The following PWWP2A variants were observed in gnomAD, a reference collection of about 807,000 sequenced individuals.
The protein encoded by PWWP2A is PWWP domain containing 2A.
PWWP2A carries 18 observed loss-of-function variants against 48.5 expected under a neutral mutation model. That is an observed-to-expected ratio of 0.37 (90% CI 0.26 to 0.55). The LOEUF (loss-of-function observed/expected upper bound fraction) is 0.55. PWWP2A is among the 20% of genes least tolerant of loss of function. PWWP2A has a pLI of 0.81. For synonymous variants in PWWP2A, 396 were observed against 387.7 expected, an observed-to-expected ratio of 1.02 and a Z score of -0.25; for missense variants, 867 against 976.4, an observed-to-expected ratio of 0.89 and a Z score of 1.49.
At chr5:160,106,646 A>C (rs1756924200) in intron 1 of PWWP2A, among the ~76,000 whole-genome samples, 1 of 152,112 alleles carries the variant, frequency 6.6e-6, no homozygotes, top group Non-Finnish European at 1.5e-5. Flanking sequence ...AAATTGGTTC[A>C]AGGGTAAAGA....
the PWWP2A span, among the ~76,000 whole-genome samples, chr5:160,052,050 TTG>T: frequency 6.6e-6 from 1 of 152,190 alleles, no homozygotes; most frequent in Admixed American, 6.5e-5. Context: ...GCCAAGTTGA[TTG>T]AGAGGAGGCC....
At chr5:160,061,161 C>T (rs1408698172), downstream of PWWP2A, among the ~76,000 whole-genome samples, 2 of 152,242 alleles carry the variant, frequency 1.3e-5, no homozygotes, top group South Asian at 2.1e-4. Flanking sequence ...AGCTCGCCTG[C>T]CTATCTCTGT....
At chr5:160,086,781 C>A (rs947196724), downstream of PWWP2A, among the ~76,000 whole-genome samples, 10 of 152,080 alleles carry the variant, frequency 6.6e-5, no homozygotes, top group African/African-American at 2.4e-4. Flanking sequence ...CATGTTCAGC[C>A]TCATAAATAA....
intron 1 of PWWP2A, among the ~76,000 whole-genome samples, chr5:160,096,705 C>T (rs2113558696): frequency 6.6e-6 from 1 of 152,280 alleles, no homozygotes; most frequent in East Asian, 1.9e-4. Flanking sequence ...TCATGGATTG[C>T]TGCAGCATCA....
At position 160,078,259 on chromosome 5, in the gene PWWP2A, A is replaced by G. The variant is rs1033917558; in HGVS notation, c.1670-91T>C. ...TGTCCTTGTTGTTTAAGCCCTACAT[A>G]GATTGTGGGATCACACCTGATTTTT... On this transcript the variant is annotated intron_variant, in intron 3 of 3. Transcript: ENST00000456329. This position sits in a 1 kb window ranked among gnomAD's most constrained non-coding sequence, Gnocchi z 4.2. The G allele has an allele frequency of 2.5e-5, 27 of 1,060,838 alleles. No homozygotes were observed. The highest frequency in any genetic ancestry group is 3.6e-5 in the Non-Finnish European group (25 of 703,758). 65.7% of individuals were successfully genotyped at this position (1,060,838 alleles called of 1,614,324 possible).
At chr5:160,058,242 C>T (rs1757596198), downstream of PWWP2A, among the ~76,000 whole-genome samples, 1 of 152,116 alleles carries the variant, frequency 6.6e-6, no homozygotes, top group Non-Finnish European at 1.5e-5. Flanking sequence ...AAGCGCCACT[C>T]GAATTCTAGT....
intron 1 of PWWP2A, among the ~76,000 whole-genome samples, chr5:160,118,474 T>C (rs920136671): frequency 7.3e-6 from 1 of 137,292 alleles, no homozygotes; most frequent in Admixed American, 7.4e-5. Context: ...CATCTGCATC[T>C]TGCATTAACC....
At chr5:160,063,019 A>G (rs1451042726) in intron 5 of PWWP2A, among the ~76,000 whole-genome samples, 1 of 152,198 alleles carries the variant, frequency 6.6e-6, no homozygotes, top group Admixed American at 6.5e-5. Flanking sequence ...TGACACAAGC[A>G]GCAGCACAGA....
intron 2 of PWWP2A, among the ~76,000 whole-genome samples, chr5:160,067,344 G>A (rs1753638741): frequency 6.6e-6 from 1 of 152,026 alleles, no homozygotes; most frequent in Admixed American, 6.6e-5. Context: ...CCTTGAAATG[G>A]TCTCCAGAAC....
chr5:160,051,634 G>A, the PWWP2A span, among the ~76,000 whole-genome samples: 7 of 152,174 alleles, frequency 4.6e-5, no homozygotes, highest in African/African-American at 7.2e-5. Context: ...GAGAACACAC[G>A]AGAGGGCAGG....
Position 160,093,763 on chromosome 5 carries a change from C to A in PWWP2A, c.887G>T (p.Arg296Leu). Residue 296 changes from arginine (R) to leucine (L), a missense_variant, in exon 2 of 2, where the codon CGA becomes CTA. Arg to Leu is a moderately radical substitution (Grantham distance 102). Around this residue, in one of 4 missense-constraint regions of PWWP2A, gnomAD observed 382 missense variants for 407.2 expected, o/e 0.94. Transcript: ENST00000307063. The surrounding 1 kb of genome is among the most constrained non-coding windows in gnomAD (Gnocchi z 5.8). ...IPQPPPRKIK[R>L]PKRKMYREEP... Reference sequence around the variant, plus strand: ...TTCCCTGTACATTTTTCGTTTGGGTCGCTTAATTTTCCGAGGAGGTGGCTG... The same window carrying A: ...TTCCCTGTACATTTTTCGTTTGGGTAGCTTAATTTTCCGAGGAGGTGGCTG... 3.1e-6 allele frequency: 5 copies of A among 1,613,862 alleles called. No individual in the cohort carries two copies. The highest frequency in any genetic ancestry group is 4.2e-6 in the Non-Finnish European group (5 of 1,179,864).
At chr5:160,091,293 C>T (rs1297613195), downstream of PWWP2A, 1 of 977,828 alleles carries the variant, frequency 1.0e-6, no homozygotes, top group African/African-American at 1.8e-5. Context: ...TAATTTTCTA[C>T]CATCTTGAAA....
chr5:160,119,283 C>G lies in PWWP2A; in HGVS notation c.106G>C (p.Gly36Arg). The G allele has an allele frequency of 1.4e-6, 2 of 1,385,338 alleles. No individual in the cohort carries two copies. The highest frequency in any genetic ancestry group is 9.3e-7 in the Non-Finnish European group (1 of 1,077,852). 85.8% of individuals were successfully genotyped at this position (1,385,338 alleles called of 1,614,324 possible). A position where few individuals can be genotyped will look rare whatever the true frequency, so the allele number is the denominator to read the frequency against. The change falls in exon 1 of 2, where the codon GGC (glycine) becomes CGC (arginine). Residue 36 changes from glycine (G) to arginine (R), a missense_variant. Physicochemically the swap from Gly to Arg is moderately radical, Grantham distance 125. This residue lies in a region of PWWP2A where 385 missense variants were observed against 396.9 expected (regional missense o/e 0.97). Coordinates refer to ENST00000307063, the MANE Select transcript of PWWP2A (RefSeq NM_001130864.2). ...GCCGTGACCGGGAGGGGGTCAGTGC[C>G]GGCCTCACTGCCGGGGATGGGCTCC... Reference protein sequence around the residue: ...EMEPIPGSEAGTDPLPVTATE... With the variant: ...EMEPIPGSEARTDPLPVTATE...
At chr5:160,111,088 G>A (rs1757517340) in intron 1 of PWWP2A, among the ~76,000 whole-genome samples, 1 of 152,090 alleles carries the variant, frequency 6.6e-6, no homozygotes, top group Non-Finnish European at 1.5e-5. Context: ...GGGAGGGCAA[G>A]GAGGGAGGAT....
At chr5:160,089,336 G>A (rs544330529), downstream of PWWP2A, among the ~76,000 whole-genome samples, 3 of 152,254 alleles carry the variant, frequency 2.0e-5, no homozygotes, top group Non-Finnish European at 4.4e-5. Context: ...GCGAATAGCT[G>A]GGACTATAGG....
chr5:160,057,686 A>G (rs1332096142), downstream of PWWP2A, among the ~76,000 whole-genome samples: 4 of 152,258 alleles, frequency 2.6e-5, no homozygotes, highest in East Asian at 1.9e-4. The surrounding 1 kb of genome is among the most constrained non-coding windows in gnomAD (Gnocchi z 4.4). Context: ...TTTACCCACA[A>G]TAGTTCTTCC....
Position 160,062,563 on chromosome 5 carries a change from A to C in PWWP2A, c.*369-470T>G, listed in dbSNP as rs1753453194. Among the ~76,000 whole-genome samples, 5 of 152,300 alleles carry C rather than the reference A, an allele frequency of 3.3e-5. No individual in the cohort carries two copies. In the South Asian group the frequency reaches 1.0e-3, roughly 32 times the overall value. ...TGGCTTACATGATAGATGCCAAGTA[A>C]AATTTCCAGTTTGTACTTTAAATTG... On this transcript the variant is annotated intron_variant and NMD_transcript_variant, in intron 5 of 5. Transcript: ENST00000524050.
rs1251434665 is a variant in PWWP2A, at chr5:160,092,668, G to T, written c.1982C>A (p.Ala661Asp). The change falls in exon 2 of 2, where the codon GCC becomes GAC. Residue 661 changes from alanine (A) to aspartate (D), a missense_variant. Transcript: ENST00000307063. ...RTICVGDIVW[A>D]KIYGFPWWPA... Reference sequence around the variant, plus strand: ...CCACCAAGGGAAGCCATATATCTTGGCCCAAACAATGTCCCCTACACATAT... The same window carrying T: ...CCACCAAGGGAAGCCATATATCTTGTCCCAAACAATGTCCCCTACACATAT... The T allele has an allele frequency of 6.4e-7, 1 of 1,551,680 alleles. No individual in the cohort carries two copies.
intron 1 of PWWP2A, among the ~76,000 whole-genome samples, chr5:160,108,127 ATTT>A (rs146681186): frequency 1.3e-5 from 2 of 148,232 alleles, no homozygotes; most frequent in Non-Finnish European, 3.0e-5. Flanking sequence ...TTACAGGATT[ATTT>A]TTTTTTTCTT....
Sources: gnomAD v4.1 joint callset for allele counts (sites outside exome capture counted in the v4.1 genomes callset) on GRCh38, gnomAD v4.1.1 for gene constraint, gnomAD v4.1.1 regional missense constraint, Gnocchi (gnomAD v3.1) non-coding constraint, MANE v1.5 for transcripts, NCBI Gene and HGNC (gene_info 2026-07-23, HGNC 2026-07-21) for gene names.